CHCT1: variants seen among roughly 807,000 people sequenced by gnomAD.
CHCT1 encodes the protein CHD1 helical C-terminal domain containing protein 1.
chr17:60,426,266 G>A, the CHCT1 span: 2 of 1,551,996 alleles, frequency 1.3e-6, no homozygotes, highest in Admixed American at 2.0e-5. Flanking sequence ...GAGCCTTGTG[G>A]TCCTAGGGGA....
At chr17:60,424,965 A>T in the CHCT1 span, among the ~76,000 whole-genome samples, 46 of 152,308 alleles carry the variant, frequency 3.0e-4, no homozygotes, top group African/African-American at 1.0e-3. Context: ...TTTCTCTTTA[A>T]ATATTATTTC....
the CHCT1 span, among the ~76,000 whole-genome samples, chr17:60,428,257 G>C: frequency 1.3e-5 from 2 of 152,176 alleles, no homozygotes; most frequent in African/African-American, 4.8e-5. Context: ...TTTATAGCAA[G>C]TAGGAAGGAA....
the CHCT1 span, among the ~76,000 whole-genome samples, chr17:60,424,287 G>A: frequency 6.6e-6 from 1 of 152,184 alleles, no homozygotes. Flanking sequence ...CGATGCTAGA[G>A]GCTAGGGATG....
the CHCT1 span, chr17:60,421,288 A>T: frequency 1.2e-6 from 1 of 853,072 alleles, no homozygotes; most frequent in Non-Finnish European, 1.4e-6. Flanking sequence ...CGTTTGCTGA[A>T]CATGCTGGCA....
chr17:60,426,552 G>A, the CHCT1 span: 20 of 1,152,268 alleles, frequency 1.7e-5, no homozygotes, highest in Non-Finnish European at 2.3e-5. Context: ...TACCAGGATA[G>A]GATATTCAAG....
the CHCT1 span, among the ~76,000 whole-genome samples, chr17:60,427,020 T>C: frequency 3.7e-4 from 57 of 152,300 alleles, 2 homozygotes; most frequent in Non-Finnish European, 1.0e-4. Context: ...CATCAAGTTC[T>C]CCATATATAT....
chr17:60,425,755 C>G, the CHCT1 span: 7 of 1,512,026 alleles, frequency 4.6e-6, no homozygotes, highest in Non-Finnish European at 4.5e-6. Flanking sequence ...TCCAATCCCC[C>G]GGCTTAGTGC....
chr17:60,429,749 T>C, the CHCT1 span, among the ~76,000 whole-genome samples: 1 of 152,060 alleles, frequency 6.6e-6, no homozygotes, highest in Non-Finnish European at 1.5e-5. Flanking sequence ...CTCCACTTTC[T>C]CTTCTCTTTT....
At chr17:60,426,754 G>T in the CHCT1 span, 3 of 1,611,468 alleles carry the variant, frequency 1.9e-6, no homozygotes, top group Non-Finnish European at 2.5e-6. Flanking sequence ...TCTCGGAGCT[G>T]GAAGCAAAGC....
chr17:60,424,777 G>A, the CHCT1 span, among the ~76,000 whole-genome samples: 1 of 152,112 alleles, frequency 6.6e-6, no homozygotes, highest in South Asian at 2.1e-4. Flanking sequence ...GGAGGCTGAG[G>A]CAGGAGAATC....
the CHCT1 span, chr17:60,422,762 A>G: frequency 9.6e-7 from 1 of 1,042,284 alleles, no homozygotes; most frequent in East Asian, 2.8e-5. Flanking sequence ...CTGAGATAGC[A>G]AGAGGCCTAA....
At chr17:60,424,627 G>A in the CHCT1 span, among the ~76,000 whole-genome samples, 3 of 152,130 alleles carry the variant, frequency 2.0e-5, no homozygotes, top group Middle Eastern at 3.2e-3. Flanking sequence ...GCTCATGCCT[G>A]TAATCCCAGC....
chr17:60,429,384 C>T, the CHCT1 span: 11 of 1,613,706 alleles, frequency 6.8e-6, no homozygotes, highest in African/African-American at 6.7e-5. Flanking sequence ...GCCTCGGATG[C>T]GCCGGAGAGG....
At chr17:60,425,500 G>A in the CHCT1 span, among the ~76,000 whole-genome samples, 15 of 152,296 alleles carry the variant, frequency 9.8e-5, no homozygotes, top group South Asian at 4.1e-4. Flanking sequence ...CAGAATTTGC[G>A]GGAAGATAAA....
chr17:60,430,535 C>T, the CHCT1 span, among the ~76,000 whole-genome samples: 1 of 152,182 alleles, frequency 6.6e-6, no homozygotes, highest in Non-Finnish European at 1.5e-5. Flanking sequence ...AGCTGAAGTG[C>T]AGTTGTGCGA....
the CHCT1 span, among the ~76,000 whole-genome samples, chr17:60,428,136 T>A: frequency 1.3e-5 from 2 of 152,232 alleles, no homozygotes; most frequent in Non-Finnish European, 2.9e-5. Context: ...AGGTACTTTA[T>A]ATTCCTTCAA....
At chr17:60,425,480 T>A in the CHCT1 span, among the ~76,000 whole-genome samples, 1 of 152,190 alleles carries the variant, frequency 6.6e-6, no homozygotes, top group Admixed American at 6.5e-5. Flanking sequence ...TATAACAACA[T>A]CTAACCTGAC....
the CHCT1 span, chr17:60,426,156 C>G: frequency 7.7e-6 from 12 of 1,551,326 alleles, no homozygotes; most frequent in African/African-American, 1.4e-5. Context: ...CTGTTGCCTC[C>G]TCAGTGTAAA....
chr17:60,421,877 C>T, the CHCT1 span: 2 of 985,336 alleles, frequency 2.0e-6, no homozygotes, highest in African/African-American at 1.7e-5. Flanking sequence ...CGGGACTTGC[C>T]CGCGTCTCAG....
Sources: allele counts gnomAD v4.1 joint callset (sites outside exome capture counted in the v4.1 genomes callset), GRCh38; gene constraint gnomAD v4.1.1; transcripts MANE v1.5; gene names NCBI Gene and HGNC (gene_info 2026-07-23, HGNC 2026-07-21).